The following DLG2 variants were observed in gnomAD, a reference collection of about 807,000 sequenced individuals.
DLG2 encodes the protein discs large MAGUK scaffold protein 2, also known as disks large homolog 2.
DLG2 carries 45 observed loss-of-function variants against 132.5 expected under a neutral mutation model. The observed-to-expected ratio is 0.34, with a 90% CI of 0.27 to 0.44. DLG2 has a LOEUF of 0.44. Ranked by LOEUF, DLG2 falls within the 20% of genes least tolerant of loss-of-function variation. The probability of loss-of-function intolerance (pLI) is 1.00; values close to 1 mark genes in which losing one functional copy is unlikely to be tolerated. For synonymous variants in DLG2, 424 were observed against 419.6 expected (o/e 1.01, Z -0.13); for missense variants, 1,045 against 1,196.9 (o/e 0.87, Z 1.87).
intron 11 of DLG2, among the ~76,000 whole-genome samples, chr11:83,997,677 GC>G (rs2094116914): frequency 7.8e-6 from 1 of 128,680 alleles, no homozygotes; most frequent in Non-Finnish European, 1.6e-5. Flanking sequence ...ATTGCAGTGA[GC>G]CGAGATGGTG....
At chr11:85,475,238 G>A (rs755059265) in intron 3 of DLG2, among the ~76,000 whole-genome samples, 5 of 151,740 alleles carry the variant, frequency 3.3e-5, no homozygotes, top group Non-Finnish European at 5.9e-5. Flanking sequence ...TAGCAAAACT[G>A]TACCAAGATA....
At chr11:83,875,298 T>C (rs1406468459) in intron 15 of DLG2, among the ~76,000 whole-genome samples, 1 of 152,166 alleles carries the variant, frequency 6.6e-6, no homozygotes, top group African/African-American at 2.4e-5. Context: ...TAACATTTAT[T>C]GAGATCTGAA....
intron 12 of DLG2, among the ~76,000 whole-genome samples, chr11:83,973,357 C>A (rs1402524949): frequency 2.6e-5 from 4 of 151,992 alleles, no homozygotes; most frequent in Non-Finnish European, 5.9e-5. Flanking sequence ...GAGGTTCTAA[C>A]CCTTAAATAA....
At chr11:84,042,749 T>C (rs1269361711) in intron 11 of DLG2, among the ~76,000 whole-genome samples, 1 of 151,894 alleles carries the variant, frequency 6.6e-6, no homozygotes, top group East Asian at 1.9e-4. Context: ...TGGATGGAAT[T>C]GGAGCCATTA....
intron 4 of DLG2, among the ~76,000 whole-genome samples, chr11:85,280,094 A>C (rs1029790615): frequency 3.3e-5 from 5 of 152,108 alleles, no homozygotes; most frequent in African/African-American, 1.2e-4. Context: ...GCAGTTTTAC[A>C]AAATTCCTTT....
intron 3 of DLG2, among the ~76,000 whole-genome samples, chr11:85,515,650 T>C (rs1453466352): frequency 6.6e-6 from 1 of 151,996 alleles, no homozygotes; most frequent in Admixed American, 6.6e-5. Flanking sequence ...CTCAATGACA[T>C]AAAGAGAAAC....
At chr11:83,619,249 G>A (rs764118152) in intron 19 of DLG2, among the ~76,000 whole-genome samples, 15 of 152,074 alleles carry the variant, frequency 9.9e-5, no homozygotes, top group African/African-American at 2.7e-4. Context: ...CATCTTTAAC[G>A]TCCTCATTTA....
At chr11:85,037,360 A>T (rs759910378) in intron 6 of DLG2, among the ~76,000 whole-genome samples, 6 of 152,178 alleles carry the variant, frequency 3.9e-5, no homozygotes, top group Admixed American at 1.3e-4. Context: ...TCTGAGACTA[A>T]GTTTCTTCCT....
At chr11:84,431,364 C>T (rs1459671582) in intron 7 of DLG2, among the ~76,000 whole-genome samples, 1 of 152,146 alleles carries the variant, frequency 6.6e-6, no homozygotes, top group Non-Finnish European at 1.5e-5. Flanking sequence ...GTAATAATCT[C>T]ACTGGGTCTT....
At chr11:85,223,524 G>A (rs1028804369) in intron 4 of DLG2, among the ~76,000 whole-genome samples, 1 of 151,914 alleles carries the variant, frequency 6.6e-6, no homozygotes, top group African/African-American at 2.4e-5. Context: ...CTTGTGGTCC[G>A]GGCTACTCAG....
At chr11:85,248,178 GC>G (rs1436065468) in intron 4 of DLG2, among the ~76,000 whole-genome samples, 2 of 151,936 alleles carry the variant, frequency 1.3e-5, no homozygotes, top group African/African-American at 4.8e-5. Flanking sequence ...ATGCTACTAC[GC>G]CATTTCACAA....
intron 3 of DLG2, among the ~76,000 whole-genome samples, chr11:85,304,564 A>C (rs2079816588): frequency 6.6e-6 from 1 of 152,186 alleles, no homozygotes; most frequent in South Asian, 2.1e-4. Flanking sequence ...TTTGAGTGCC[A>C]ATATGATGCT....
At chr11:83,859,918 C>T (rs1376335361) in intron 16 of DLG2, among the ~76,000 whole-genome samples, 1 of 152,256 alleles carries the variant, frequency 6.6e-6, no homozygotes, top group East Asian at 1.9e-4. Context: ...CTAAAAGGGG[C>T]CAAGGTAGAG....
intron 6 of DLG2, among the ~76,000 whole-genome samples, chr11:85,014,049 T>A (rs150151039): frequency 6.6e-6 from 1 of 152,210 alleles, no homozygotes; most frequent in Non-Finnish European, 1.5e-5. Context: ...AGGACTCCAA[T>A]ATCAAGAAAT....
At chr11:83,835,883 G>C (rs766474017) in intron 16 of DLG2, among the ~76,000 whole-genome samples, 1 of 152,096 alleles carries the variant, frequency 6.6e-6, no homozygotes, top group Non-Finnish European at 1.5e-5. Context: ...GTTCTTCAGA[G>C]AAAGCCAACA....
At chr11:85,515,324 C>T (rs1436111408) in intron 3 of DLG2, among the ~76,000 whole-genome samples, 3 of 151,896 alleles carry the variant, frequency 2.0e-5, no homozygotes, top group East Asian at 1.9e-4. Flanking sequence ...TGGACCTAAA[C>T]ATTTTATGAT....
At chr11:83,463,972 CTTGT>C (rs2090540176) in intron 26 of DLG2, among the ~76,000 whole-genome samples, 1 of 152,192 alleles carries the variant, frequency 6.6e-6, no homozygotes, top group African/African-American at 2.4e-5. Flanking sequence ...AAGACCATGG[CTTGT>C]TTGTCAGCAT....
intron 18 of DLG2, chr11:83,643,469 T>A (rs1460872306): frequency 6.6e-6 from 1 of 152,188 alleles, no homozygotes; most frequent in Non-Finnish European, 1.5e-5. Context: ...AAGGAGGAAC[T>A]AGGAACTGTG....
intron 7 of DLG2, among the ~76,000 whole-genome samples, chr11:84,416,471 T>C (rs1033762587): frequency 2.0e-5 from 3 of 152,168 alleles, no homozygotes; most frequent in Non-Finnish European, 4.4e-5. Flanking sequence ...CCAAAGAGCA[T>C]GAATTAGAAT....
Sources: allele counts gnomAD v4.1 joint callset (sites outside exome capture counted in the v4.1 genomes callset), GRCh38; gene constraint gnomAD v4.1.1; transcripts MANE v1.5; gene names NCBI Gene and HGNC (gene_info 2026-07-23, HGNC 2026-07-21).